The following TNS1 variants were observed in gnomAD, a reference collection of about 807,000 sequenced individuals.
TNS1 encodes the protein tensin-1.
In TNS1, 62 loss-of-function variants were observed where a neutral mutation model predicts 168.6. That is an observed-to-expected ratio of 0.37 (90% CI 0.30 to 0.45). The LOEUF is 0.45. Ranked by LOEUF, TNS1 falls within the 20% of genes least tolerant of loss-of-function variation. The pLI is 1.00. For missense variants in TNS1, 2,240 were observed against 2,339.4 expected, an observed-to-expected ratio of 0.96 and a Z score of 0.88; for synonymous variants, 934 against 933.2, an observed-to-expected ratio of 1.00 and a Z score of -0.02.
At chr2:217,939,754 A>C (rs2125933282) in intron 3 of TNS1, among the ~76,000 whole-genome samples, 1 of 152,328 alleles carries the variant, frequency 6.6e-6, no homozygotes, top group South Asian at 2.1e-4. Context: ...CAGGGACTGC[A>C]GAGCCCAGAC....
intron 5 of TNS1, 134 bp from the exon 6 acceptor site, chr2:217,906,519 ACATTTCTTTGC>A (rs1953726447): frequency 1.6e-6 from 1 of 645,090 alleles, no homozygotes; most frequent in Admixed American, 2.3e-5. Flanking sequence ...TCTTTGTTTC[ACATTTCTTTGC>A]CCATATCAAG....
At chr2:217,895,779 G>A (rs1952229194) in intron 8 of TNS1, among the ~76,000 whole-genome samples, 1 of 152,138 alleles carries the variant, frequency 6.6e-6, no homozygotes, top group African/African-American at 2.4e-5. Flanking sequence ...CTACCTCCGA[G>A]GGGGGCATGC....
intron 2 of TNS1, among the ~76,000 whole-genome samples, chr2:217,984,378 C>A (rs1020688966): frequency 1.3e-5 from 2 of 151,856 alleles, no homozygotes; most frequent in Non-Finnish European, 2.9e-5. Context: ...GCTTTGAATG[C>A]GGCCCAACAC....
intron 4 of TNS1, among the ~76,000 whole-genome samples, chr2:217,909,707 C>A (rs1440752463): frequency 6.6e-6 from 1 of 152,166 alleles, no homozygotes; most frequent in Non-Finnish European, 1.5e-5. Context: ...GCTAACAGCT[C>A]CCTTGCCTCC....
upstream of TNS1, among the ~76,000 whole-genome samples, chr2:218,005,815 G>C (rs1326690706): frequency 6.6e-6 from 1 of 152,146 alleles, no homozygotes; most frequent in Admixed American, 6.5e-5. Context: ...AGGGCCTCAG[G>C]CAGCCCTGCC....
At chr2:217,859,061 T>TCCAGCCCAGC (rs1015626024) in intron 18 of TNS1, among the ~76,000 whole-genome samples, 5 of 138,222 alleles carry the variant, frequency 3.6e-5, no homozygotes, top group Non-Finnish European at 7.7e-5. Context: ...CGGGTCCCAG[T>TCCAGCCCAGC]CCAGCCCAGC....
rs370389425 is a variant in TNS1, at chr2:217,880,324, T to C, written c.1429+574A>G. On this transcript the variant is annotated intron_variant, in intron 18 of 32. Coordinates refer to ENST00000682258, the MANE Select transcript of TNS1 (RefSeq NM_001387777.1). The surrounding 1 kb of genome is among the most constrained non-coding windows in gnomAD (Gnocchi z 4.2). ...TAATTTCAATTCTGCTGCTTTCTTT[T>C]CAAATTTCAGAGCCTATCAGTTTGT... 3.3e-5 allele frequency among the ~76,000 whole-genome samples: 5 copies of C among 152,348 alleles called. No individual in the cohort carries two copies. Among genetic ancestry groups the C allele is most frequent in the East Asian group, 1.9e-4 (1 of 5,186 alleles).
chr2:217,852,714 G>A (rs1044155809), intron 18 of TNS1, among the ~76,000 whole-genome samples: 7 of 152,222 alleles, frequency 4.6e-5, no homozygotes, highest in African/African-American at 1.7e-4. Flanking sequence ...AACTTGTTCT[G>A]TCATGTAATC....
chr2:218,007,496 C>T (rs1958669063), upstream of TNS1, among the ~76,000 whole-genome samples: 1 of 136,902 alleles, frequency 7.3e-6, no homozygotes, highest in African/African-American at 2.8e-5. Context: ...AGGGGCTATG[C>T]TTCCATGTTG....
intron 3 of TNS1, among the ~76,000 whole-genome samples, chr2:217,930,214 C>T (rs1324260716): frequency 3.3e-5 from 5 of 152,218 alleles, no homozygotes; most frequent in Admixed American, 1.3e-4. Flanking sequence ...AAATGAGGCA[C>T]TAAGAGGTTG....
intron 3 of TNS1, among the ~76,000 whole-genome samples, chr2:217,947,243 C>G (rs1371515604): frequency 6.6e-6 from 1 of 151,472 alleles, no homozygotes; most frequent in Non-Finnish European, 1.5e-5. Context: ...GGGGGTTTCT[C>G]ATAAAACTGA....
intron 16 of TNS1, 25 bp downstream of exon 16, chr2:217,885,010 C>T (rs777359336): frequency 6.2e-7 from 1 of 1,613,768 alleles, no homozygotes; most frequent in Non-Finnish European, 8.5e-7. Context: ...GGGTGCCCAC[C>T]CCCAGCTCCA....
intron 18 of TNS1, chr2:217,850,043 A>T: frequency 3.0e-6 from 3 of 985,348 alleles, no homozygotes; most frequent in Non-Finnish European, 3.6e-6. Context: ...CCTCCCCAGC[A>T]CTGCCCACTC....
chr2:217,912,176 C>CA, intron 4 of TNS1, among the ~76,000 whole-genome samples: 1 of 152,322 alleles, frequency 6.6e-6, no homozygotes, highest in South Asian at 2.1e-4. Flanking sequence ...CCTAGAGGCT[C>CA]ACGCAGGAGG....
chr2:217,864,761 C>T (rs191571006), intron 18 of TNS1, among the ~76,000 whole-genome samples: 5 of 152,330 alleles, frequency 3.3e-5, no homozygotes, highest in Admixed American at 6.5e-5. Flanking sequence ...ATAATTCACA[C>T]GAATGAAACC....
chr2:217,947,142 C>G (rs1295131294), intron 3 of TNS1, among the ~76,000 whole-genome samples: 2 of 152,062 alleles, frequency 1.3e-5, no homozygotes, highest in Non-Finnish European at 2.9e-5. Context: ...AACCCATGCT[C>G]CTCTCCTTGT....
chr2:217,885,842 A>C, intron 14 of TNS1, 23 bp from the exon 15 acceptor site: 2 of 1,613,118 alleles, frequency 1.2e-6, no homozygotes, highest in Non-Finnish European at 1.7e-6. Flanking sequence ...GGTGGGCAGA[A>C]AAAGAGTGGG....
chr2:217,819,314 C>A (rs553032097), intron 23 of TNS1, among the ~76,000 whole-genome samples: 5 of 152,328 alleles, frequency 3.3e-5, no homozygotes, highest in Admixed American at 3.3e-4. Flanking sequence ...GGTTTCACAT[C>A]AGGGGATTTG....
chr2:217,942,858 C>T (rs1431657952), intron 3 of TNS1, among the ~76,000 whole-genome samples: 1 of 152,148 alleles, frequency 6.6e-6, no homozygotes, highest in Non-Finnish European at 1.5e-5. Context: ...TGCAGGGAGC[C>T]CAGCCTGGGA....
Sources: allele counts gnomAD v4.1 joint callset (sites outside exome capture counted in the v4.1 genomes callset), GRCh38; gene constraint gnomAD v4.1.1; non-coding constraint Gnocchi (gnomAD v3.1); transcripts MANE v1.5; gene names NCBI Gene and HGNC (gene_info 2026-07-23, HGNC 2026-07-21).